Variants in CADM2 observed in about 807,000 individuals in gnomAD.
CADM2 encodes the protein cell adhesion molecule 2.
A neutral mutation model predicts 49.8 loss-of-function variants in CADM2; 12 were observed. The observed-to-expected ratio is 0.24, with a 90% confidence interval of 0.15 to 0.39. The LOEUF is 0.39. Ranked by LOEUF, CADM2 falls within the 10% of genes least tolerant of loss-of-function variation. The pLI, the probability that CADM2 is intolerant of heterozygous loss-of-function variation, is 1.00. For missense variants in CADM2, 378 were observed against 492.3 expected, an observed-to-expected ratio of 0.77 and a Z score of 2.20; for synonymous variants, 214 against 175.4, an observed-to-expected ratio of 1.22 and a Z score of -1.74.
intron 1 of CADM2, among the ~76,000 whole-genome samples, chr3:85,682,653 C>G (rs1309153138): frequency 6.6e-6 from 1 of 151,868 alleles, no homozygotes; most frequent in Non-Finnish European, 1.5e-5. Context: ...ATGGCAAGAA[C>G]ACTAAATTTT....
At chr3:85,621,390 T>C (rs763694418) in intron 1 of CADM2, among the ~76,000 whole-genome samples, 50 of 152,140 alleles carry the variant, frequency 3.3e-4, no homozygotes, top group Non-Finnish European at 6.8e-4. Flanking sequence ...AAAGAATAAT[T>C]CTACAGACAC....
intron 5 of CADM2, among the ~76,000 whole-genome samples, chr3:85,902,895 A>T (rs1235498988): frequency 2.7e-5 from 4 of 149,500 alleles, no homozygotes; most frequent in South Asian, 4.2e-4. Context: ...TTAAGATGTT[A>T]AAAACACAAC....
At chr3:85,303,272 T>C (rs2044142423) in intron 1 of CADM2, among the ~76,000 whole-genome samples, 1 of 151,888 alleles carries the variant, frequency 6.6e-6, no homozygotes, top group Non-Finnish European at 1.5e-5. Flanking sequence ...TTATTTTTCT[T>C]CCTCCCCGGT....
intron 1 of CADM2, among the ~76,000 whole-genome samples, chr3:85,609,379 T>C (rs1308087319): frequency 1.3e-5 from 2 of 152,134 alleles, no homozygotes; most frequent in Non-Finnish European, 2.9e-5. Flanking sequence ...TTTGTTATGT[T>C]CCTTAAGCAG....
intron 7 of CADM2, among the ~76,000 whole-genome samples, chr3:85,936,587 G>T (rs1205460368): frequency 6.6e-6 from 1 of 151,706 alleles, no homozygotes; most frequent in African/African-American, 2.4e-5. Context: ...TTTGTTAAAA[G>T]ATTCCAATTT....
At chr3:85,423,642 C>G (rs1162672887) in intron 1 of CADM2, among the ~76,000 whole-genome samples, 1 of 152,184 alleles carries the variant, frequency 6.6e-6, no homozygotes, top group African/African-American at 2.4e-5. Context: ...ATGTCTGCCT[C>G]AATTAGCAAC....
intron 1 of CADM2, among the ~76,000 whole-genome samples, chr3:85,138,197 A>C (rs1189970781): frequency 6.6e-6 from 1 of 152,152 alleles, no homozygotes; most frequent in African/African-American, 2.4e-5. Context: ...CCCAGCAGAG[A>C]AATCTGCAAC....
intron 1 of CADM2, among the ~76,000 whole-genome samples, chr3:85,717,599 G>GCCC (rs2107756127): frequency 6.6e-6 from 1 of 152,270 alleles, no homozygotes; most frequent in South Asian, 2.1e-4. Context: ...TCCAGCTTTT[G>GCCC]CCCATTCAGG....
At chr3:85,906,730 G>A (rs767629486) in intron 5 of CADM2, among the ~76,000 whole-genome samples, 1 of 152,212 alleles carries the variant, frequency 6.6e-6, no homozygotes, top group Non-Finnish European at 1.5e-5. Context: ...GTGGTTACCA[G>A]ACTTTAAAGT....
intron 1 of CADM2, among the ~76,000 whole-genome samples, chr3:85,028,337 A>G (rs1198546796): frequency 3.9e-5 from 6 of 152,152 alleles, no homozygotes; most frequent in Non-Finnish European, 7.4e-5. Context: ...TGCTTTTCTC[A>G]ACATGTGGAG....
chr3:85,320,076 C>G (rs1412009079), intron 1 of CADM2, among the ~76,000 whole-genome samples: 1 of 152,124 alleles, frequency 6.6e-6, no homozygotes, highest in African/African-American at 2.4e-5. Context: ...CAACAATTCT[C>G]AGGAAGAGAA....
At chr3:85,326,745 T>A (rs2044764810) in intron 1 of CADM2, among the ~76,000 whole-genome samples, 1 of 152,326 alleles carries the variant, frequency 6.6e-6, no homozygotes, top group African/African-American at 2.4e-5. Flanking sequence ...AATCTATTCA[T>A]GTCCACATGC....
chr3:85,520,005 C>T (rs1307644764), intron 1 of CADM2, among the ~76,000 whole-genome samples: 1 of 152,000 alleles, frequency 6.6e-6, no homozygotes, highest in East Asian at 1.9e-4. Context: ...TTAATTTTCT[C>T]AATCAGATGC....
intron 1 of CADM2, among the ~76,000 whole-genome samples, chr3:85,237,100 T>A (rs979176913): frequency 6.6e-6 from 1 of 152,092 alleles, no homozygotes; most frequent in Non-Finnish European, 1.5e-5. Context: ...TTAAGTAATT[T>A]GCTCAAGGCC....
intron 8 of CADM2, among the ~76,000 whole-genome samples, chr3:85,996,616 T>C (rs1425331779): frequency 6.6e-6 from 1 of 152,202 alleles, no homozygotes; most frequent in Non-Finnish European, 1.5e-5. Flanking sequence ...GTGTTACTAA[T>C]ATTATTTTAA....
At chr3:85,816,646 A>G (rs1003187523) in intron 3 of CADM2, among the ~76,000 whole-genome samples, 5 of 152,224 alleles carry the variant, frequency 3.3e-5, no homozygotes, top group African/African-American at 1.2e-4. Context: ...TTACATGGCC[A>G]TCCATACAAA....
chr3:85,475,902 T>C (rs543455426), intron 1 of CADM2, among the ~76,000 whole-genome samples: 2 of 152,018 alleles, frequency 1.3e-5, no homozygotes, highest in Admixed American at 1.3e-4. Context: ...AATTTGCCTA[T>C]CTAGAAATGC....
At chr3:85,062,918 A>C (rs2107449820) in intron 1 of CADM2, among the ~76,000 whole-genome samples, 1 of 150,670 alleles carries the variant, frequency 6.6e-6, no homozygotes. Flanking sequence ...TGAATCAATT[A>C]TGAATTTTAG....
intron 8 of CADM2, among the ~76,000 whole-genome samples, chr3:86,051,975 A>G (rs193146338): frequency 2.0e-5 from 3 of 152,158 alleles, no homozygotes; most frequent in Admixed American, 2.0e-4. Context: ...TTCAAAAAAA[A>G]ACTTTGTTAT....
Sources: gnomAD v4.1 joint callset for allele counts (sites outside exome capture counted in the v4.1 genomes callset) on GRCh38, gnomAD v4.1.1 for gene constraint, MANE v1.5 for transcripts, NCBI Gene and HGNC (gene_info 2026-07-23, HGNC 2026-07-21) for gene names.